HIVEP3: variants seen among roughly 807,000 people sequenced by gnomAD.
HIVEP3 encodes the protein transcription factor HIVEP3.
A neutral mutation model predicts 152.8 loss-of-function variants in HIVEP3; 49 were observed. The ratio of observed to expected loss-of-function variants is 0.32; its 90% CI spans 0.26 to 0.41. The LOEUF (loss-of-function observed/expected upper bound fraction) is 0.41, where lower values mean the gene tolerates loss of function less well. Among genes scored for constraint, HIVEP3 ranks in the 10% least tolerant of loss-of-function variants. The pLI is 1.00. For missense variants in HIVEP3, 2,790 were observed against 3,103.3 expected (o/e 0.90, Z 2.40); for synonymous variants, 1,269 against 1,289.0 (o/e 0.98, Z 0.33).
chr1:41,527,814 CCA>C (rs1370919526), intron 5 of HIVEP3, among the ~76,000 whole-genome samples: 6 of 139,192 alleles, frequency 4.3e-5, no homozygotes, highest in Admixed American at 7.2e-5. Context: ...CCCTACCCTC[CCA>C]CTCAACTTCA....
chr1:41,712,820 C>T (rs1272240898), intron 1 of HIVEP3, among the ~76,000 whole-genome samples: 1 of 152,210 alleles, frequency 6.6e-6, no homozygotes, highest in African/African-American at 2.4e-5. Flanking sequence ...GGTGCCCTCC[C>T]AGGCTGGAGG....
At chr1:41,951,677 A>G (rs1359078713) in intron 1 of HIVEP3, among the ~76,000 whole-genome samples, 1 of 152,166 alleles carries the variant, frequency 6.6e-6, no homozygotes, top group Non-Finnish European at 1.5e-5. Context: ...GAAACGTACA[A>G]TCATGGTGGA....
At chr1:41,791,000 G>A (rs1649657072) in intron 1 of HIVEP3, among the ~76,000 whole-genome samples, 1 of 151,958 alleles carries the variant, frequency 6.6e-6, no homozygotes, top group Non-Finnish European at 1.5e-5. Context: ...CTTTCCTGTG[G>A]AATAAAGTCC....
chr1:41,729,003 T>C (rs1646799301), intron 1 of HIVEP3, among the ~76,000 whole-genome samples: 1 of 152,166 alleles, frequency 6.6e-6, no homozygotes, highest in Non-Finnish European at 1.5e-5. Flanking sequence ...GTGGCTGCAA[T>C]CTCGCTCTCA....
intron 1 of HIVEP3, among the ~76,000 whole-genome samples, chr1:42,034,532 G>A (rs1327053033): frequency 6.6e-6 from 1 of 152,140 alleles, no homozygotes; most frequent in African/African-American, 2.4e-5. Flanking sequence ...ATTGCTTAAC[G>A]AGCAGATAAA....
At chr1:41,570,144 G>C (rs1282106351) in intron 5 of HIVEP3, among the ~76,000 whole-genome samples, 2 of 152,176 alleles carry the variant, frequency 1.3e-5, no homozygotes, top group African/African-American at 4.8e-5. Context: ...TTTAGAGGAA[G>C]AGCACGGAGC....
At chr1:41,552,149 C>T (rs1643900297) in intron 5 of HIVEP3, among the ~76,000 whole-genome samples, 1 of 152,166 alleles carries the variant, frequency 6.6e-6, no homozygotes, top group Non-Finnish European at 1.5e-5. Context: ...ATGCAGTAGT[C>T]ATTCAGGAGC....
intron 1 of HIVEP3, among the ~76,000 whole-genome samples, chr1:41,853,319 G>A (rs1407483957): frequency 1.3e-5 from 2 of 152,194 alleles, no homozygotes; most frequent in Admixed American, 1.3e-4. Flanking sequence ...ATAAAGGAAA[G>A]AGGTTTAATT....
intron 1 of HIVEP3, among the ~76,000 whole-genome samples, chr1:41,722,429 C>CTTCCTTCCTTCCTTCCTTCA (rs1553253040): frequency 4.8e-4 from 70 of 147,336 alleles, no homozygotes; most frequent in African/African-American, 9.9e-4. Flanking sequence ...TCCTTCCTTC[C>CTTCCTTCCTTCCTTCCTTCA]TTCCTTCCTT....
At chr1:41,946,374 A>G (rs1645075151) in intron 1 of HIVEP3, among the ~76,000 whole-genome samples, 1 of 152,174 alleles carries the variant, frequency 6.6e-6, no homozygotes, top group Admixed American at 6.5e-5. Flanking sequence ...ATTGAGAGCC[A>G]GGAAGTTAAC....
chr1:41,907,690 C>A (rs114666531), intron 1 of HIVEP3, among the ~76,000 whole-genome samples: 3 of 152,290 alleles, frequency 2.0e-5, no homozygotes, highest in Non-Finnish European at 4.4e-5. Context: ...CTGTCCCTTG[C>A]GCAGAAGTTA....
At chr1:41,641,375 G>A (rs1396118854) in intron 2 of HIVEP3, among the ~76,000 whole-genome samples, 1 of 152,296 alleles carries the variant, frequency 6.6e-6, no homozygotes, top group East Asian at 1.9e-4. Flanking sequence ...GTGACCCAGG[G>A]TCCTCCGGGG....
intron 1 of HIVEP3, among the ~76,000 whole-genome samples, chr1:41,814,262 G>T (rs752104599): frequency 5.3e-5 from 8 of 152,210 alleles, no homozygotes; most frequent in Admixed American, 2.0e-4. Flanking sequence ...CATTTATCTG[G>T]CATGACCTCT....
intron 1 of HIVEP3, among the ~76,000 whole-genome samples, chr1:41,897,722 C>T (rs1294836836): frequency 6.6e-6 from 1 of 152,022 alleles, no homozygotes; most frequent in East Asian, 1.9e-4. Context: ...TGGACAGAGA[C>T]AAACACAGAA....
intron 2 of HIVEP3, among the ~76,000 whole-genome samples, chr1:41,682,160 T>C (rs574563809): frequency 5.9e-5 from 9 of 152,288 alleles, no homozygotes; most frequent in African/African-American, 1.9e-4. Context: ...CCACATCTTC[T>C]GTGCCTGTCC....
chr1:41,954,359 G>A (rs1570841184), intron 1 of HIVEP3, among the ~76,000 whole-genome samples: 2 of 152,300 alleles, frequency 1.3e-5, no homozygotes, highest in East Asian at 3.8e-4. Flanking sequence ...CCTTTGTTTT[G>A]CTGATTAGGG....
chr1:41,695,418 T>G (rs1001119679), intron 2 of HIVEP3, among the ~76,000 whole-genome samples: 4 of 152,198 alleles, frequency 2.6e-5, no homozygotes, highest in African/African-American at 9.7e-5. Flanking sequence ...AGGTTTCTCA[T>G]GGAGGACCAT....
intron 1 of HIVEP3, chr1:41,865,419 G>C (rs2124405061): frequency 6.6e-6 from 1 of 152,432 alleles, no homozygotes; most frequent in South Asian, 2.1e-4. Flanking sequence ...CAGAAGTACA[G>C]CCACCCCTGT....
rs143007667 is a variant in HIVEP3, at chr1:41,684,220, C to T, written c.-721+16696G>A. On this transcript the variant is annotated intron_variant, in intron 2 of 8. Coordinates refer to ENST00000372583, the MANE Select transcript of HIVEP3 (RefSeq NM_024503.5). ...CTCTGACTTCCTGGAGGTGACTCAG[C>T]GAGACAAGCAGCAGAGGAAGGAAGT... Among the ~76,000 whole-genome samples the T allele has an allele frequency of 4.6e-5, 7 of 152,218 alleles. No homozygotes were observed. The East Asian group carries it at 9.7e-4, about 21-fold the overall frequency.
Sources: allele counts gnomAD v4.1 joint callset (sites outside exome capture counted in the v4.1 genomes callset), GRCh38; gene constraint gnomAD v4.1.1; transcripts MANE v1.5; gene names NCBI Gene and HGNC (gene_info 2026-07-23, HGNC 2026-07-21).